ARL15: variants seen among roughly 807,000 people sequenced by gnomAD.
ARL15 encodes the protein ADP-ribosylation factor-like protein 15.
In ARL15, 19 loss-of-function variants were observed where a neutral mutation model predicts 25.2. The observed-to-expected ratio is 0.75, with a 90% CI of 0.53 to 1.10. ARL15 has a LOEUF of 1.10. Ranked by LOEUF, ARL15 falls within the 50% of genes least tolerant of loss-of-function variation. The pLI is 0.00. For synonymous variants in ARL15, 94 were observed against 86.8 expected, an observed-to-expected ratio of 1.08 and a Z score of -0.46; for missense variants, 220 against 246.0, an observed-to-expected ratio of 0.89 and a Z score of 0.71.
intron 1 of ARL15, among the ~76,000 whole-genome samples, chr5:54,299,584 C>CTTTTTTTT (rs752417066): frequency 8.3e-4 from 66 of 79,550 alleles, no homozygotes; most frequent in African/African-American, 1.0e-3. Context: ...TAGCTATTAG[C>CTTTTTTTT]TTTTTTTTTT....
chr5:54,016,062 A>G (rs1749417488), intron 4 of ARL15, among the ~76,000 whole-genome samples: 2 of 152,044 alleles, frequency 1.3e-5, no homozygotes. Flanking sequence ...ATAAACTTCA[A>G]TCATCTGACC....
intron 3 of ARL15, among the ~76,000 whole-genome samples, chr5:54,123,460 T>A (rs988740379): frequency 6.6e-6 from 1 of 152,200 alleles, no homozygotes; most frequent in African/African-American, 2.4e-5. Context: ...AGCTTCTTTC[T>A]AAAGCGGTAC....
At chr5:53,929,101 C>T (rs994557674) in intron 4 of ARL15, among the ~76,000 whole-genome samples, 5 of 150,816 alleles carry the variant, frequency 3.3e-5, no homozygotes, top group African/African-American at 1.2e-4. Context: ...GAAACGATTC[C>T]ATTAGTCTCA....
At chr5:53,910,007 A>G (rs1745401080) in intron 4 of ARL15, among the ~76,000 whole-genome samples, 1 of 152,206 alleles carries the variant, frequency 6.6e-6, no homozygotes, top group African/African-American at 2.4e-5. Context: ...CACTTTGGGG[A>G]TTTAAATTTT....
intron 4 of ARL15, among the ~76,000 whole-genome samples, chr5:54,071,912 G>A (rs1033681867): frequency 6.6e-6 from 1 of 150,538 alleles, no homozygotes; most frequent in Non-Finnish European, 1.5e-5. Context: ...GGTGGAGGTT[G>A]CAGTGAGCCA....
chr5:53,968,979 C>T (rs1747654222), intron 4 of ARL15, among the ~76,000 whole-genome samples: 1 of 151,740 alleles, frequency 6.6e-6, no homozygotes, highest in Admixed American at 6.6e-5. Context: ...GAAACCCCGT[C>T]TCTACTAAAA....
At chr5:54,193,160 G>A (rs989910367) in intron 1 of ARL15, among the ~76,000 whole-genome samples, 1 of 152,056 alleles carries the variant, frequency 6.6e-6, no homozygotes, top group Non-Finnish European at 1.5e-5. Context: ...TCCAATTTCA[G>A]TATCAATCCT....
intron 4 of ARL15, among the ~76,000 whole-genome samples, chr5:53,967,842 G>A (rs756258781): frequency 5.9e-5 from 9 of 152,148 alleles, no homozygotes; most frequent in Non-Finnish European, 1.2e-4. Context: ...GGAGGCCCAC[G>A]ATAAGTAACT....
chr5:54,134,552 C>A (rs1387808485), intron 3 of ARL15, among the ~76,000 whole-genome samples: 1 of 146,890 alleles, frequency 6.8e-6, no homozygotes, highest in Non-Finnish European at 1.5e-5. Context: ...TGTGAGCTCC[C>A]TGAAGGAATG....
chr5:54,105,117 C>T (rs1752550046), intron 4 of ARL15, among the ~76,000 whole-genome samples: 1 of 151,644 alleles, frequency 6.6e-6, no homozygotes, highest in Non-Finnish European at 1.5e-5. Flanking sequence ...ACCTTACTGA[C>T]ATTAACTATG....
At chr5:54,038,712 T>C (rs1579726458) in intron 4 of ARL15, among the ~76,000 whole-genome samples, 1 of 150,822 alleles carries the variant, frequency 6.6e-6, no homozygotes, top group Non-Finnish European at 1.5e-5. Context: ...AACAGACTGG[T>C]CTTATTTGTA....
At chr5:54,148,536 T>G (rs990250577) in intron 3 of ARL15, among the ~76,000 whole-genome samples, 11 of 152,164 alleles carry the variant, frequency 7.2e-5, no homozygotes, top group African/African-American at 2.4e-4. Flanking sequence ...AGAAAAAAAT[T>G]AAAATGAAAA....
chr5:53,933,642 C>CAAAAAAAA (rs34912827), intron 4 of ARL15, among the ~76,000 whole-genome samples: 1 of 76,020 alleles, frequency 1.3e-5, no homozygotes, highest in Non-Finnish European at 2.3e-5. Flanking sequence ...GAGACTGTCT[C>CAAAAAAAA]AAAAAAAAAA....
At chr5:54,172,164 T>C (rs955721991) in intron 1 of ARL15, among the ~76,000 whole-genome samples, 23 of 152,180 alleles carry the variant, frequency 1.5e-4, no homozygotes, top group Admixed American at 6.5e-4. Context: ...CTTCCTGCTA[T>C]GGCAGGTGCA....
chr5:53,941,845 T>C (rs1561158729), intron 4 of ARL15, among the ~76,000 whole-genome samples: 2 of 152,062 alleles, frequency 1.3e-5, no homozygotes, highest in Non-Finnish European at 2.9e-5. Context: ...TACAGGGTGC[T>C]CACCTCTAAC....
intron 4 of ARL15, among the ~76,000 whole-genome samples, chr5:54,013,971 A>G (rs1749327614): frequency 6.6e-6 from 1 of 152,210 alleles, no homozygotes; most frequent in Admixed American, 6.5e-5. Context: ...TAATGCAATA[A>G]TGCTGTCTCA....
In ARL15 at chr5:54,101,723, A is replaced by G. The variant is rs886938287; in HGVS notation, c.462+11479T>C. 3.3e-5 allele frequency among the ~76,000 whole-genome samples: 5 copies of G among 152,186 alleles called. 1 individual carries two copies. The highest frequency in any genetic ancestry group is 1.2e-4 in the African/African-American group (5 of 41,456). On this transcript the variant is annotated intron_variant, in intron 4 of 4. Transcript: ENST00000504924. ...CATTACTCAAGTACCTGATGACCTC[A>G]TGCTTTGCCTTAAAATCTATTCTCA...
At chr5:53,939,053 G>GATATCT (rs1215091997) in intron 4 of ARL15, among the ~76,000 whole-genome samples, 1 of 152,066 alleles carries the variant, frequency 6.6e-6, no homozygotes, top group East Asian at 1.9e-4. Context: ...TCACCCAAAA[G>GATATCT]ATATCTTGGT....
At chr5:54,297,294 C>G (rs898380546) in intron 1 of ARL15, among the ~76,000 whole-genome samples, 1 of 152,208 alleles carries the variant, frequency 6.6e-6, no homozygotes, top group Non-Finnish European at 1.5e-5. Flanking sequence ...TTGAGTCCTG[C>G]CAGCTTCAGG....
Sources: gnomAD v4.1 joint callset for allele counts (sites outside exome capture counted in the v4.1 genomes callset) on GRCh38, gnomAD v4.1.1 for gene constraint, MANE v1.5 for transcripts, NCBI Gene and HGNC (gene_info 2026-07-23, HGNC 2026-07-21) for gene names.